The following LARGE1 variants were observed in gnomAD, a reference collection of about 807,000 sequenced individuals.
LARGE1 encodes LARGE xylosyl- and glucuronyltransferase 1, also known as xylosyl- and glucuronyltransferase LARGE1.
LARGE1 carries 43 observed loss-of-function variants against 87.6 expected under a neutral mutation model. The observed-to-expected ratio is 0.49, with a 90% CI of 0.38 to 0.63. LARGE1 has a LOEUF of 0.63. Ranked by LOEUF, LARGE1 falls within the 30% of genes least tolerant of loss-of-function variation. The pLI is 0.00. For synonymous variants in LARGE1, 434 were observed against 394.6 expected, an observed-to-expected ratio of 1.10 and a Z score of -1.18; for missense variants, 802 against 1,000.2, an observed-to-expected ratio of 0.80 and a Z score of 2.67.
chr22:33,113,899 C>T, the LARGE1 span, among the ~76,000 whole-genome samples: 1 of 147,920 alleles, frequency 6.8e-6, no homozygotes, highest in African/African-American at 2.5e-5. Flanking sequence ...GAGACGGAGT[C>T]TCGCTCTATC....
In LARGE1 at chr22:33,870,630, G is replaced by A. The variant is rs139306765; in HGVS notation, c.-83+49365C>T. ...GTTGCCCAGGCTGGAGTACAGTAGC[G>A]CAATCTCGGCTCACTGCAACCTCTG... is the stretch of plus-strand genomic sequence containing the variant. On this transcript the variant is annotated intron_variant, in intron 1 of 14. Coordinates refer to ENST00000397394, the MANE Select transcript of LARGE1 (RefSeq NM_133642.5). Among the ~76,000 whole-genome samples, 2,120 of 152,112 alleles carry A rather than the reference G, an allele frequency of 0.014. 130 individuals carry two copies. The East Asian group carries it at 0.2, about 14-fold the overall frequency.
chr22:33,908,216 C>T (rs75688699), intron 1 of LARGE1, among the ~76,000 whole-genome samples: 8 of 152,256 alleles, frequency 5.3e-5, no homozygotes, highest in Non-Finnish European at 1.2e-4. Flanking sequence ...TCCAGGCATA[C>T]GGTAAAACCT....
chr22:33,380,749 T>C (rs2065129174), intron 9 of LARGE1, among the ~76,000 whole-genome samples: 1 of 152,220 alleles, frequency 6.6e-6, no homozygotes. Context: ...TTGCAATCCT[T>C]TTTCCTTTTT....
intron 12 of LARGE1, among the ~76,000 whole-genome samples, chr22:33,285,117 G>A (rs1255246911): frequency 2.0e-5 from 3 of 152,158 alleles, no homozygotes; most frequent in Non-Finnish European, 2.9e-5. Context: ...GTGCTATCAC[G>A]ACTCCCTGGC....
chr22:33,286,452 T>C (rs1164816750), intron 12 of LARGE1, among the ~76,000 whole-genome samples: 14 of 152,254 alleles, frequency 9.2e-5, no homozygotes, highest in African/African-American at 2.9e-4. Context: ...TGTCCCAGTA[T>C]TGGTGGGTGG....
At chr22:33,347,925 TGAAA>T (rs945233350) in intron 9 of LARGE1, among the ~76,000 whole-genome samples, 1 of 152,182 alleles carries the variant, frequency 6.6e-6, no homozygotes, top group Non-Finnish European at 1.5e-5. Flanking sequence ...TTAGACTTCA[TGAAA>T]GAGTCACCTT....
chr22:33,426,314 T>C (rs530255464), intron 7 of LARGE1, among the ~76,000 whole-genome samples: 3 of 152,330 alleles, frequency 2.0e-5, no homozygotes, highest in South Asian at 4.1e-4. Flanking sequence ...GCCAGTATTA[T>C]AGGTATTCAG....
intron 11 of LARGE1, among the ~76,000 whole-genome samples, chr22:33,230,401 C>T (rs369968972): frequency 3.8e-4 from 58 of 152,148 alleles, no homozygotes; most frequent in African/African-American, 1.4e-3. Flanking sequence ...TGAGACATTG[C>T]TTTGGTGAGA....
rs111254733 is a variant in LARGE1, at chr22:33,860,462, G to T, written c.-83+59533C>A. ...TGTTTTCGGAATAAGAAATAAAGTTGTGGCCAGAGAAGTTAAGGGCCTGGA... is the reference window on the plus strand; with the variant it reads ...TGTTTTCGGAATAAGAAATAAAGTTTTGGCCAGAGAAGTTAAGGGCCTGGA... On this transcript the variant is annotated intron_variant, in intron 1 of 14. Transcript: ENST00000397394. Among the ~76,000 whole-genome samples, 225 of 152,320 alleles carry T rather than the reference G, an allele frequency of 1.5e-3. 2 individuals are homozygous for T. Among genetic ancestry groups the T allele is most frequent in the African/African-American group, 5.0e-3 (206 of 41,566 alleles).
chr22:33,212,429 GAAATATTATTCAGAAA>G (rs1925009172), intron 11 of LARGE1, among the ~76,000 whole-genome samples: 1 of 152,154 alleles, frequency 6.6e-6, no homozygotes, highest in East Asian at 1.9e-4. Context: ...CCAGTGTTGA[GAAATATTATTCAGAAA>G]AAATATTTCT....
rs77895440 is a variant in LARGE1 at position 33,847,776 on chromosome 22, T to C, written c.-83+72219A>G. ...GCCAAACAGTTCCTGGTTTTCACCA[T>C]TTCTCACTTTGTGTTGTTTTTGAAA... On this transcript the variant is annotated intron_variant, in intron 1 of 14. Transcript: ENST00000397394. 9.5e-3 allele frequency among the ~76,000 whole-genome samples: 1,451 copies of C among 152,366 alleles called. 19 individuals are homozygous for C. Among genetic ancestry groups the C allele is most frequent in the African/African-American group, 0.032 (1,318 of 41,586 alleles).
chr22:33,712,933 G>A (rs963801386), intron 2 of LARGE1, among the ~76,000 whole-genome samples: 1 of 152,056 alleles, frequency 6.6e-6, no homozygotes, highest in Non-Finnish European at 1.5e-5. Context: ...CGGTGAGGAC[G>A]ACAGCTACAC....
chr22:33,480,872 A>G (rs548853830), intron 6 of LARGE1, among the ~76,000 whole-genome samples: 10 of 152,344 alleles, frequency 6.6e-5, no homozygotes, highest in Non-Finnish European at 1.2e-4. Flanking sequence ...TAAATACGTT[A>G]TTAACATTTC....
At chr22:33,723,370 C>T (rs747810617) in intron 2 of LARGE1, among the ~76,000 whole-genome samples, 1 of 152,150 alleles carries the variant, frequency 6.6e-6, no homozygotes, top group Non-Finnish European at 1.5e-5. Flanking sequence ...TTCTTTCTCC[C>T]AAGAAACAGC....
At chr22:33,813,439 A>G (rs2086560106) in intron 1 of LARGE1, among the ~76,000 whole-genome samples, 1 of 151,904 alleles carries the variant, frequency 6.6e-6, no homozygotes, top group African/African-American at 2.4e-5. Flanking sequence ...TCCCACACAC[A>G]CATCTTGGTG....
At chr22:33,284,822 G>A (rs1285521302) in intron 12 of LARGE1, among the ~76,000 whole-genome samples, 2 of 152,244 alleles carry the variant, frequency 1.3e-5, no homozygotes, top group South Asian at 2.1e-4. Flanking sequence ...TGATCCGCCC[G>A]CCTTGGCCTC....
chr22:33,281,452 G>A (rs775592123), intron 13 of LARGE1, among the ~76,000 whole-genome samples: 4 of 151,950 alleles, frequency 2.6e-5, no homozygotes, highest in Non-Finnish European at 5.9e-5. Context: ...GAGAACACAG[G>A]TTCCTCAGAC....
chr22:33,757,894 C>T (rs927624944), intron 2 of LARGE1, among the ~76,000 whole-genome samples: 111 of 152,310 alleles, frequency 7.3e-4, no homozygotes, highest in African/African-American at 2.6e-3. Context: ...TTCATGGAGG[C>T]ATTGCCTTTG....
intron 7 of LARGE1, among the ~76,000 whole-genome samples, chr22:33,395,060 C>G (rs570709882): frequency 1.3e-5 from 2 of 151,990 alleles, no homozygotes; most frequent in East Asian, 3.9e-4. Context: ...AACCCCGTCT[C>G]TACTAAAAAT....
Sources: gnomAD v4.1 joint callset for allele counts (sites outside exome capture counted in the v4.1 genomes callset) on GRCh38, gnomAD v4.1.1 for gene constraint, MANE v1.5 for transcripts, NCBI Gene and HGNC (gene_info 2026-07-23, HGNC 2026-07-21) for gene names.